Variants in P2RX4 observed in about 807,000 individuals in gnomAD.
P2RX4 encodes purinergic receptor P2X 4.
P2RX4 carries 37 observed loss-of-function variants against 48.0 expected under a neutral mutation model. That is an observed-to-expected ratio of 0.77 (90% CI 0.59 to 1.01). The LOEUF is 1.01. Ranked by LOEUF, P2RX4 falls within the 50% of genes least tolerant of loss-of-function variation. The pLI, the probability that P2RX4 is intolerant of heterozygous loss-of-function variation, is 0.00. For missense variants in P2RX4, 501 were observed against 521.4 expected (o/e 0.96, Z 0.38); for synonymous variants, 200 against 199.7 (o/e 1.00, Z -0.01).
rs751303225 is a variant in P2RX4 at position 121,228,871 on chromosome 12, G to C, written c.747+5G>C. ...TTCCAGGACATGGCCGTGGAGGTGGGTGCGGGCCCTGGCTCTCCTGACCCA... is the reference window on the plus strand; with the variant it reads ...TTCCAGGACATGGCCGTGGAGGTGGCTGCGGGCCCTGGCTCTCCTGACCCA... On this transcript the variant is annotated splice_donor_5th_base_variant and intron_variant, in intron 7 of 11. Transcript: ENST00000337233. 1 of 1,614,132 alleles carries C rather than the reference G, an allele frequency of 6.2e-7. No individual in the cohort carries two copies. The highest frequency in any genetic ancestry group is 1.1e-5 in the South Asian group (1 of 91,086).
intron 5 of P2RX4, among the ~76,000 whole-genome samples, chr12:121,226,441 G>A (rs1886980449): frequency 6.6e-6 from 1 of 151,902 alleles, no homozygotes; most frequent in Non-Finnish European, 1.5e-5. Context: ...TACTCAGGAG[G>A]CTGAGGCACG....
intron 5 of P2RX4, among the ~76,000 whole-genome samples, chr12:121,225,669 C>T (rs1418059480): frequency 1.3e-5 from 2 of 152,196 alleles, no homozygotes; most frequent in African/African-American, 2.4e-5. Flanking sequence ...CCTTGGCCTC[C>T]CAAAGTGCTG....
At chr12:121,221,648 C>T (rs1427281304) in intron 2 of P2RX4, among the ~76,000 whole-genome samples, 6 of 152,192 alleles carry the variant, frequency 3.9e-5, no homozygotes, top group African/African-American at 1.4e-4. Context: ...CCGCCTCAGC[C>T]TCCCAAAGTG....
At chr12:121,225,599 G>T (rs1886931900) in intron 5 of P2RX4, among the ~76,000 whole-genome samples, 1 of 152,032 alleles carries the variant, frequency 6.6e-6, no homozygotes, top group Non-Finnish European at 1.5e-5. Context: ...TTTTAGTAGA[G>T]AGGGGGTTTC....
At chr12:121,224,783 A>T (rs1339718997) in intron 5 of P2RX4, among the ~76,000 whole-genome samples, 1 of 152,052 alleles carries the variant, frequency 6.6e-6, no homozygotes, top group African/African-American at 2.4e-5. Context: ...CCGAGAGCTC[A>T]GACCGAGGTC....
chr12:121,229,898 G>A lies in P2RX4; in HGVS notation c.884+799G>A, dbSNP rs1391012128. Among the ~76,000 whole-genome samples the A allele has an allele frequency of 2.0e-5, 3 of 151,882 alleles. No homozygotes were observed. Among genetic ancestry groups the A allele is most frequent in the Admixed American group, 2.0e-4 (3 of 15,248 alleles). ...TAAGGATATCAGTCACTGAATTTAG[G>A]GCCCACCCTACTCTAGTATGACCTC... On this transcript the variant is annotated intron_variant, in intron 8 of 11. Transcript: ENST00000337233. This position sits in a 1 kb window ranked among gnomAD's most constrained non-coding sequence, Gnocchi z 4.6.
At chr12:121,216,540 G>A (rs1268191009) in intron 1 of P2RX4, 3 of 224,708 alleles carry the variant, frequency 1.3e-5, no homozygotes, top group Non-Finnish European at 2.7e-5. Flanking sequence ...TGCTCAAAGG[G>A]CCAGGTGCAG....
At chr12:121,225,615 G>A (rs2136235960) in intron 5 of P2RX4, among the ~76,000 whole-genome samples, 1 of 151,998 alleles carries the variant, frequency 6.6e-6, no homozygotes, top group Admixed American at 6.6e-5. Context: ...GTTTCACTGT[G>A]TTAGCCAGGA....
chr12:121,226,451 G>A (rs1037479863), intron 5 of P2RX4, among the ~76,000 whole-genome samples: 3 of 151,970 alleles, frequency 2.0e-5, no homozygotes, highest in African/African-American at 4.8e-5. Flanking sequence ...GCTGAGGCAC[G>A]AGAATTGCTT....
rs1472266049 is a variant in P2RX4, at chr12:121,228,391, T to A, written c.525-142T>A. ...TCAAAAAAAAAAAAAAAAAAATATA[T>A]ATATATATATATATACACACACACA... On this transcript the variant is annotated intron_variant, in intron 5 of 11. Transcript: ENST00000337233. The A allele has an allele frequency of 4.3e-3, 659 of 153,738 alleles. 3 individuals carry two copies. Among genetic ancestry groups the A allele is most frequent in the East Asian group, 9.5e-3 (61 of 6,426 alleles). The allele number at this position is 153,738 out of a possible 1,614,324, so 9.5% of individuals were successfully genotyped here. A position where few individuals can be genotyped will look rare whatever the true frequency, so the allele number is the denominator to read the frequency against.
intron 1 of P2RX4, among the ~76,000 whole-genome samples, chr12:121,210,990 T>G (rs145146072): frequency 2.2e-4 from 34 of 152,170 alleles, no homozygotes; most frequent in Admixed American, 5.2e-4. Context: ...TTTTGATCAC[T>G]ATGCGGTGTC....
At chr12:121,219,135 A>G (rs559324243) in intron 2 of P2RX4, among the ~76,000 whole-genome samples, 1 of 152,348 alleles carries the variant, frequency 6.6e-6, no homozygotes, top group South Asian at 2.1e-4. Context: ...CACCAAATGC[A>G]GAGTGTGTTT....
chr12:121,221,874 C>G, intron 2 of P2RX4, 39 bp from the exon 3 acceptor site: 1 of 1,590,170 alleles, frequency 6.3e-7, no homozygotes, highest in Non-Finnish European at 8.6e-7. Flanking sequence ...TCCGTGAGTC[C>G]TCTGAGCGTG....
intron 2 of P2RX4, among the ~76,000 whole-genome samples, chr12:121,220,775 G>A (rs1308655298): frequency 6.6e-6 from 1 of 152,156 alleles, no homozygotes; most frequent in Non-Finnish European, 1.5e-5. Context: ...AGCCTCGTAT[G>A]TTACACAACC....
At chr12:121,228,393 T>A (rs1371342549) in intron 5 of P2RX4, 140 bp from the exon 6 acceptor site, 5 of 173,544 alleles carry the variant, frequency 2.9e-5, no homozygotes, top group African/African-American at 5.1e-5. Flanking sequence ...AAAATATATA[T>A]ATATATATAT....
intron 5 of P2RX4, among the ~76,000 whole-genome samples, chr12:121,227,550 G>A (rs3850520): frequency 0.085 from 12,985 of 152,192 alleles, 690 homozygotes; most frequent in Non-Finnish European, 0.12. Context: ...GAACGCCTGC[G>A]GCCCCAAAGC....
At chr12:121,231,434 A>G (rs954671612) in intron 8 of P2RX4, among the ~76,000 whole-genome samples, 1 of 152,212 alleles carries the variant, frequency 6.6e-6, no homozygotes, top group Non-Finnish European at 1.5e-5. Context: ...CGTCATCTCA[A>G]AAAGAAACCC....
At chr12:121,225,049 A>G (rs1471925719) in intron 5 of P2RX4, among the ~76,000 whole-genome samples, 1 of 151,422 alleles carries the variant, frequency 6.6e-6, no homozygotes, top group African/African-American at 2.4e-5. Context: ...TGTCCATAGG[A>G]AGTGCACTTA....
chr12:121,228,550 C>G lies in P2RX4; in HGVS notation c.542C>G (p.Ala181Gly), dbSNP rs1269895471. Residue 181 changes from alanine (A) to glycine (G), a missense_variant, in exon 6 of 12, where the codon GCT becomes GGT. Physicochemically the swap from Ala to Gly is moderately conservative, Grantham distance 60 (BLOSUM62 0). Transcript: ENST00000337233. ...THVPQPAFLK[A>G]AENFTLLVKN... ...TTTTTCAGACCTGCTTTTTTAAAGGCTGCAGAAAACTTCACTCTTTTGGTT... is the reference window on the plus strand; with the variant it reads ...TTTTTCAGACCTGCTTTTTTAAAGGGTGCAGAAAACTTCACTCTTTTGGTT... The G allele has an allele frequency of 6.2e-7, 1 of 1,612,170 alleles. No homozygotes were observed. The highest frequency in any genetic ancestry group is 1.1e-5 in the South Asian group (1 of 90,498).
Sources: allele counts gnomAD v4.1 joint callset (sites outside exome capture counted in the v4.1 genomes callset), GRCh38; gene constraint gnomAD v4.1.1; non-coding constraint Gnocchi (gnomAD v3.1); transcripts MANE v1.5; gene names NCBI Gene and HGNC (gene_info 2026-07-23, HGNC 2026-07-21).